Variants in TESK2 observed in about 807,000 individuals in gnomAD.
TESK2 encodes the protein testis associated actin remodelling kinase 2.
TESK2 carries 39 observed loss-of-function variants against 57.1 expected under a neutral mutation model. The ratio of observed to expected loss-of-function variants is 0.68; its 90% CI spans 0.53 to 0.89. The LOEUF (loss-of-function observed/expected upper bound fraction) is 0.89, where lower values mean the gene tolerates loss of function less well. TESK2 is among the 40% of genes least tolerant of loss of function. The probability of loss-of-function intolerance (pLI) is 0.00; values close to 1 mark genes in which losing one functional copy is unlikely to be tolerated. For synonymous variants in TESK2, 249 were observed against 267.9 expected, an observed-to-expected ratio of 0.93 and a Z score of 0.69; for missense variants, 646 against 732.1, an observed-to-expected ratio of 0.88 and a Z score of 1.36.
intron 4 of TESK2, among the ~76,000 whole-genome samples, chr1:45,373,337 G>A (rs2149270767): frequency 6.6e-6 from 1 of 152,250 alleles, no homozygotes; most frequent in Admixed American, 6.5e-5. Context: ...CATGGTGATT[G>A]GTAAGATTTG....
rs542513828 is a variant in TESK2 at position 45,425,982 on chromosome 1, T to TA, written c.223-4137dup. On this transcript the variant is annotated intron_variant, in intron 2 of 10. Coordinates refer to ENST00000372086, the MANE Select transcript of TESK2 (RefSeq NM_007170.3). ...CAACATGGTGAAACCCTGTCTCTAC[T>TA]AAAAAAAAAAAATACAAAAACTAGC... is the stretch of plus-strand genomic sequence containing the variant. Among the ~76,000 whole-genome samples, 559 of 142,584 alleles carry TA rather than the reference T, an allele frequency of 3.9e-3. 1 individual carries two copies. Among genetic ancestry groups the TA allele is most frequent in the South Asian group, 5.9e-3 (27 of 4,540 alleles). The allele number at this position is 142,584 out of a possible 152,430, so 93.5% of individuals were successfully genotyped here.
At chr1:45,458,237 CAGAG>C (rs753726464) in intron 1 of TESK2, among the ~76,000 whole-genome samples, 5 of 152,120 alleles carry the variant, frequency 3.3e-5, no homozygotes, top group African/African-American at 4.8e-5. Context: ...GTTCATTTCA[CAGAG>C]AGATCAAGAA....
chr1:45,390,827 G>A (rs1649105810), intron 3 of TESK2, among the ~76,000 whole-genome samples: 1 of 150,744 alleles, frequency 6.6e-6, no homozygotes, highest in Non-Finnish European at 1.5e-5. Context: ...AGGCTGGTCT[G>A]GAACTCCTGG....
At chr1:45,369,488 C>T (rs1648088697) in intron 4 of TESK2, among the ~76,000 whole-genome samples, 1 of 151,558 alleles carries the variant, frequency 6.6e-6, no homozygotes, top group African/African-American at 2.4e-5. Context: ...AGTGAAACTC[C>T]ATCTCTAAAT....
intron 1 of TESK2, among the ~76,000 whole-genome samples, chr1:45,482,840 C>T (rs1192126600): frequency 5.3e-5 from 8 of 151,460 alleles, no homozygotes; most frequent in Admixed American, 2.6e-4. Context: ...ATTAGCTGGG[C>T]GTGGTGGCAG....
chr1:45,402,654 G>T lies in TESK2; in HGVS notation c.345-16694C>A, dbSNP rs1649676241. The stretch of plus-strand genomic sequence containing the variant: ...TGCAGCACCACACCAAGCTAATTTT[G>T]TATTTTTAGTAGAGATGGGGTTTCT... On this transcript the variant is annotated intron_variant, in intron 3 of 10. Coordinates refer to ENST00000372086, the MANE Select transcript of TESK2 (RefSeq NM_007170.3). 2.0e-5 allele frequency among the ~76,000 whole-genome samples: 3 copies of T among 151,848 alleles called. No homozygotes were observed. The South Asian group carries it at 6.2e-4, about 32-fold the overall frequency.
chr1:45,369,233 G>T (rs1440974706), intron 4 of TESK2, among the ~76,000 whole-genome samples: 1 of 151,970 alleles, frequency 6.6e-6, no homozygotes, highest in Non-Finnish European at 1.5e-5. Flanking sequence ...GAGTGCAGTG[G>T]CTCACGCCTG....
At chr1:45,453,341 CAAAAAA>C (rs560016914) in intron 2 of TESK2, among the ~76,000 whole-genome samples, 1 of 53,136 alleles carries the variant, frequency 1.9e-5, no homozygotes, top group Admixed American at 2.1e-4. Flanking sequence ...GACCCTGTCT[CAAAAAA>C]AAAAAAAAAA....
At chr1:45,450,471 C>T (rs1651825549) in intron 2 of TESK2, among the ~76,000 whole-genome samples, 1 of 152,122 alleles carries the variant, frequency 6.6e-6, no homozygotes, top group Non-Finnish European at 1.5e-5. Flanking sequence ...GAGATCGCAC[C>T]ACTGCACTCT....
At chr1:45,390,001 A>G (rs1221230279) in intron 3 of TESK2, among the ~76,000 whole-genome samples, 1 of 152,170 alleles carries the variant, frequency 6.6e-6, no homozygotes, top group Non-Finnish European at 1.5e-5. Flanking sequence ...ATAACATTAA[A>G]ACTTCCCATG....
chr1:45,381,533 G>A lies in TESK2; in HGVS notation c.393+4379C>T, dbSNP rs1342811614. Among the ~76,000 whole-genome samples, 3 of 152,188 alleles carry A rather than the reference G, an allele frequency of 2.0e-5. No individual in the cohort carries two copies. The East Asian group carries it at 5.8e-4, about 29-fold the overall frequency. On this transcript the variant is annotated intron_variant, in intron 4 of 10. Transcript: ENST00000372086. Reference sequence around the variant, plus strand: ...GTCTAGCCCACTGGCCCCAGAAGGAGGATGAGCCAGAGCAAAGTTCTCCCA... The same window carrying A: ...GTCTAGCCCACTGGCCCCAGAAGGAAGATGAGCCAGAGCAAAGTTCTCCCA...
Position 45,395,079 on chromosome 1 carries a change from C to A in TESK2, c.345-9119G>T, listed in dbSNP as rs569531018. On this transcript the variant is annotated intron_variant, in intron 3 of 10. Coordinates refer to ENST00000372086, the MANE Select transcript of TESK2 (RefSeq NM_007170.3). Reference sequence around the variant, plus strand: ...TTTCTATAGCATGATTTACCATTCCCCATAAAGTGTCATTATTAAGCTTTT... The same window carrying A: ...TTTCTATAGCATGATTTACCATTCCACATAAAGTGTCATTATTAAGCTTTT... Among the ~76,000 whole-genome samples, 6 of 152,222 alleles carry A rather than the reference C, an allele frequency of 3.9e-5. No individual in the cohort carries two copies. In the East Asian group the frequency reaches 1.2e-3, roughly 29 times the overall value.
chr1:45,364,540 A>G (rs1201746238), intron 4 of TESK2, among the ~76,000 whole-genome samples: 2 of 152,232 alleles, frequency 1.3e-5, no homozygotes, highest in Admixed American at 1.3e-4. Context: ...AGTTTCTGCT[A>G]TGTCACCCAC....
intron 1 of TESK2, among the ~76,000 whole-genome samples, chr1:45,476,447 C>A (rs1313764278): frequency 6.7e-6 from 1 of 150,082 alleles, no homozygotes; most frequent in Non-Finnish European, 1.5e-5. Flanking sequence ...GCGGAGGTTG[C>A]AATGAGTCAA....
At chr1:45,397,114 C>A (rs1557557060) in intron 3 of TESK2, among the ~76,000 whole-genome samples, 1 of 152,154 alleles carries the variant, frequency 6.6e-6, no homozygotes, top group Non-Finnish European at 1.5e-5. Context: ...CCACCACACC[C>A]AGCCTGGTAT....
At position 45,367,385 on chromosome 1, in the gene TESK2, A is replaced by T. The variant is rs555466823; in HGVS notation, c.394-11936T>A. Among the ~76,000 whole-genome samples the T allele has an allele frequency of 6.0e-5, 9 of 150,390 alleles. No homozygotes were observed. In the South Asian group the frequency reaches 1.7e-3, roughly 28 times the overall value. Reference sequence around the variant, plus strand: ...GCCACCCACCTAGAAACTGGGCATCATTTGGTTCCTCGTTCTCCTTTTTTT... The same window carrying T: ...GCCACCCACCTAGAAACTGGGCATCTTTTGGTTCCTCGTTCTCCTTTTTTT... On this transcript the variant is annotated intron_variant, in intron 4 of 10. Coordinates refer to ENST00000372086, the MANE Select transcript of TESK2 (RefSeq NM_007170.3).
chr1:45,362,043 T>G (rs1050729904), intron 4 of TESK2, among the ~76,000 whole-genome samples: 1 of 152,226 alleles, frequency 6.6e-6, no homozygotes, highest in East Asian at 1.9e-4. Flanking sequence ...AGTGTCCCCA[T>G]AGTTCTTTAG....
At chr1:45,409,179 T>C (rs1297652934) in intron 3 of TESK2, among the ~76,000 whole-genome samples, 1 of 152,240 alleles carries the variant, frequency 6.6e-6, no homozygotes, top group East Asian at 1.9e-4. Flanking sequence ...CATTCAATAC[T>C]GGAGGCTTTA....
At chr1:45,425,724 A>C (rs1475142035) in intron 2 of TESK2, among the ~76,000 whole-genome samples, 3 of 152,146 alleles carry the variant, frequency 2.0e-5, no homozygotes, top group Non-Finnish European at 4.4e-5. Flanking sequence ...GATACAAAAA[A>C]ATGGAAAGAT....
Sources: gnomAD v4.1 joint callset for allele counts (sites outside exome capture counted in the v4.1 genomes callset) on GRCh38, gnomAD v4.1.1 for gene constraint, MANE v1.5 for transcripts, NCBI Gene and HGNC (gene_info 2026-07-23, HGNC 2026-07-21) for gene names.